FOXP1: variants seen among roughly 807,000 people sequenced by gnomAD.
FOXP1 encodes the protein forkhead box P1, also known as forkhead box protein P1.
A neutral mutation model predicts 98.2 loss-of-function variants in FOXP1; 15 were observed. The observed-to-expected ratio is 0.15, with a 90% confidence interval of 0.10 to 0.24. The LOEUF is 0.24. FOXP1 is among the 10% of genes least tolerant of loss of function. The probability of loss-of-function intolerance (pLI) is 1.00; values close to 1 mark genes in which losing one functional copy is unlikely to be tolerated. For synonymous variants in FOXP1, 371 were observed against 314.5 expected (o/e 1.18, Z -1.90); for missense variants, 633 against 848.5 (o/e 0.75, Z 3.15).
intron 3 of FOXP1, among the ~76,000 whole-genome samples, chr3:71,471,519 T>C (rs2106690619): frequency 6.6e-6 from 1 of 152,290 alleles, no homozygotes; most frequent in Non-Finnish European, 1.5e-5. Flanking sequence ...ATACACCTTC[T>C]AGTCATTCCA....
chr3:71,338,220 G>T (rs1296392809), intron 4 of FOXP1, among the ~76,000 whole-genome samples: 1 of 152,166 alleles, frequency 6.6e-6, no homozygotes, highest in Non-Finnish European at 1.5e-5. Flanking sequence ...GGCCTAAAAA[G>T]AAATTACTTA....
intron 2 of FOXP1, among the ~76,000 whole-genome samples, chr3:71,576,496 G>A (rs1162064576): frequency 6.6e-6 from 1 of 152,176 alleles, no homozygotes; most frequent in Non-Finnish European, 1.5e-5. Context: ...GGGCTTGACA[G>A]TACTTCTGTC....
chr3:71,294,454 A>G (rs1416819787), intron 5 of FOXP1, among the ~76,000 whole-genome samples: 1 of 152,106 alleles, frequency 6.6e-6, no homozygotes, highest in Non-Finnish European at 1.5e-5. Flanking sequence ...CCTAACACCC[A>G]TCATCAGCAT....
chr3:71,158,602 G>C (rs1344715654), intron 6 of FOXP1, among the ~76,000 whole-genome samples: 1 of 151,920 alleles, frequency 6.6e-6, no homozygotes, highest in African/African-American at 2.4e-5. Context: ...ACAGGCAACA[G>C]AGAAAGTCTT....
At chr3:71,463,527 A>G (rs1171431731) in intron 3 of FOXP1, among the ~76,000 whole-genome samples, 3 of 152,050 alleles carry the variant, frequency 2.0e-5, no homozygotes, top group African/African-American at 7.3e-5. Flanking sequence ...GGCTCTCCCA[A>G]TTGCCTGACA....
chr3:70,988,032 G>A lies in FOXP1; in HGVS notation c.1108C>T (p.His370Tyr), dbSNP rs2107493948. 6.2e-7 allele frequency: 1 copy of A among 1,614,132 alleles called. No homozygotes were observed. The highest frequency in any genetic ancestry group is 8.5e-7 in the Non-Finnish European group (1 of 1,179,990). Residue 370 changes from histidine to tyrosine, a missense_variant, in exon 14 of 21, where the codon CAT (histidine) becomes TAT (tyrosine). Physicochemically the swap from His to Tyr is moderately conservative, Grantham distance 83. Around this residue, in one of 6 missense-constraint regions of FOXP1, gnomAD observed 23 missense variants for 92.9 expected, o/e 0.25. Coordinates refer to ENST00000649528, the MANE Select transcript of FOXP1 (RefSeq NM_001349338.3). ...ERLQAMMTHLHVKSTEPKAAP... is the reference protein window; with the variant it reads ...ERLQAMMTHLYVKSTEPKAAP... The stretch of plus-strand genomic sequence containing the variant: ...GCTTTGGGTTCTGTAGACTTCACAT[G>A]CAGGTGGGTCATCATGGCTTGCAGG...
chr3:71,053,806 A>G, intron 7 of FOXP1, 33 bp from the exon 8 acceptor site: 1 of 1,613,628 alleles, frequency 6.2e-7, no homozygotes, highest in Non-Finnish European at 8.5e-7. Flanking sequence ...ATAGGAAGCC[A>G]GGAAATCAGA....
At chr3:71,507,523 G>A (rs569529906) in intron 2 of FOXP1, among the ~76,000 whole-genome samples, 33 of 151,590 alleles carry the variant, frequency 2.2e-4, no homozygotes, top group Admixed American at 2.0e-4. Context: ...AGAAGGAAAC[G>A]TGAGCCCCAA....
At chr3:71,105,982 A>G (rs2057389707) in intron 7 of FOXP1, among the ~76,000 whole-genome samples, 2 of 152,190 alleles carry the variant, frequency 1.3e-5, no homozygotes, top group Non-Finnish European at 2.9e-5. Context: ...GAGTAAACAC[A>G]CATAAAAAGA....
chr3:71,542,039 GA>G, intron 2 of FOXP1: 1 of 533,720 alleles, frequency 1.9e-6, no homozygotes, highest in Non-Finnish European at 3.8e-6. Context: ...TAAAATTTAA[GA>G]AAAGCCAGGG....
At chr3:71,050,532 T>G (rs1033633250) in intron 9 of FOXP1, among the ~76,000 whole-genome samples, 1 of 152,242 alleles carries the variant, frequency 6.6e-6, no homozygotes, top group African/African-American at 2.4e-5. Flanking sequence ...GGTTATTGCC[T>G]GCAAGCCACA....
intron 2 of FOXP1, among the ~76,000 whole-genome samples, chr3:71,578,969 T>C (rs1053180783): frequency 6.6e-6 from 1 of 152,242 alleles, no homozygotes; most frequent in Admixed American, 6.5e-5. Context: ...CATGTGTATG[T>C]TTAACCCACA....
chr3:71,114,495 G>T (rs551991134), intron 6 of FOXP1, among the ~76,000 whole-genome samples: 1 of 152,178 alleles, frequency 6.6e-6, no homozygotes, highest in Non-Finnish European at 1.5e-5. Flanking sequence ...GTTGAGTGGC[G>T]CCTTTGTGTT....
chr3:70,969,070 C>T (rs1355988126), intron 19 of FOXP1: 4 of 150,672 alleles, frequency 2.7e-5, no homozygotes. Flanking sequence ...ACAAAGCATA[C>T]TAATTGAAAT....
intron 5 of FOXP1, among the ~76,000 whole-genome samples, chr3:71,251,551 G>A (rs2068190599): frequency 2.0e-5 from 3 of 152,174 alleles, no homozygotes; most frequent in South Asian, 4.1e-4. Context: ...ATTTGGAAGC[G>A]GGGGTGGTGG....
chr3:71,008,432 A>G (rs1324657312), intron 12 of FOXP1, among the ~76,000 whole-genome samples: 1 of 152,166 alleles, frequency 6.6e-6, no homozygotes, highest in Non-Finnish European at 1.5e-5. Context: ...ACCACTCTGG[A>G]TGATACGGGA....
chr3:71,568,660 T>A (rs2047101967), intron 2 of FOXP1, among the ~76,000 whole-genome samples: 1 of 152,120 alleles, frequency 6.6e-6, no homozygotes, highest in Admixed American at 6.5e-5. Context: ...TTTCTTTTTT[T>A]TTTTCTGAGA....
At chr3:71,570,615 G>C (rs2047267274) in intron 2 of FOXP1, 1 of 152,234 alleles carries the variant, frequency 6.6e-6, no homozygotes, top group Non-Finnish European at 1.5e-5. Flanking sequence ...ATAATTAAGA[G>C]CATTAAGCAA....
chr3:71,134,549 T>C (rs2059726920), intron 6 of FOXP1, among the ~76,000 whole-genome samples: 2 of 151,692 alleles, frequency 1.3e-5, no homozygotes, highest in Admixed American at 1.3e-4. Context: ...AAACAGAAAA[T>C]GAAAATGAAA....
Sources: gnomAD v4.1 joint callset for allele counts (sites outside exome capture counted in the v4.1 genomes callset) on GRCh38, gnomAD v4.1.1 for gene constraint, gnomAD v4.1.1 regional missense constraint, MANE v1.5 for transcripts, NCBI Gene and HGNC (gene_info 2026-07-23, HGNC 2026-07-21) for gene names.